PDS5B: variants seen among roughly 807,000 people sequenced by gnomAD.
PDS5B encodes PDS5 cohesin associated factor B.
In PDS5B, 51 loss-of-function variants were observed where a neutral mutation model predicts 184.1. The observed-to-expected ratio is 0.28, with a 90% CI of 0.22 to 0.35. PDS5B has a LOEUF of 0.35. Ranked by LOEUF, PDS5B falls within the 10% of genes least tolerant of loss-of-function variation. The pLI is 1.00. For missense variants in PDS5B, 1,180 were observed against 1,723.3 expected, an observed-to-expected ratio of 0.68 and a Z score of 5.58; for synonymous variants, 566 against 569.2, an observed-to-expected ratio of 0.99 and a Z score of 0.08.
chr13:32,625,647 A>G (rs990332721), intron 1 of PDS5B, among the ~76,000 whole-genome samples: 3 of 152,130 alleles, frequency 2.0e-5, no homozygotes, highest in African/African-American at 7.2e-5. Flanking sequence ...TTCTTAGGCT[A>G]GAGTTTGTAA....
chr13:32,758,872 G>A (rs967098041), intron 28 of PDS5B, among the ~76,000 whole-genome samples: 3 of 152,240 alleles, frequency 2.0e-5, no homozygotes, highest in Middle Eastern at 6.8e-3. Context: ...GTCTTAGAGC[G>A]CAGGTAGAAA....
intron 1 of PDS5B, among the ~76,000 whole-genome samples, chr13:32,615,592 G>A (rs2058206159): frequency 6.6e-6 from 1 of 152,210 alleles, no homozygotes; most frequent in Admixed American, 6.5e-5. Context: ...TGAAGAGAAA[G>A]TCTGTACCCT....
chr13:32,693,865 T>G (rs1454353308), intron 13 of PDS5B, among the ~76,000 whole-genome samples: 5 of 151,696 alleles, frequency 3.3e-5, no homozygotes, highest in Non-Finnish European at 7.4e-5. Flanking sequence ...AAGATTTGTC[T>G]TAAGAAAAAG....
chr13:32,685,272 G>A (rs35247299), intron 11 of PDS5B, among the ~76,000 whole-genome samples: 2,344 of 152,304 alleles, frequency 0.015, 22 homozygotes, highest in Non-Finnish European at 0.022. Flanking sequence ...GATAAATTTA[G>A]ACTAATCTTT....
intron 1 of PDS5B, among the ~76,000 whole-genome samples, chr13:32,623,765 C>CT (rs1362705865): frequency 2.0e-5 from 3 of 150,048 alleles, no homozygotes; most frequent in African/African-American, 7.4e-5. Context: ...CAATCCATTT[C>CT]TTTTTTCTTT....
At chr13:32,709,328 A>G (rs1431312366) in intron 18 of PDS5B, among the ~76,000 whole-genome samples, 2 of 151,958 alleles carry the variant, frequency 1.3e-5, no homozygotes, top group East Asian at 3.8e-4. Context: ...AAGGGGTCTA[A>G]TTTGATTTTC....
At chr13:32,623,151 G>A (rs1000666652) in intron 1 of PDS5B, among the ~76,000 whole-genome samples, 1 of 152,132 alleles carries the variant, frequency 6.6e-6, no homozygotes, top group African/African-American at 2.4e-5. Context: ...CTTGGTATGG[G>A]TCACCAGCCC....
chr13:32,688,510 T>C lies in PDS5B; in HGVS notation c.1410T>C (p.Thr470=), dbSNP rs767213787. The change falls in exon 13 of 35, where the codon ACT becomes ACC. Residue 470 remains threonine, a synonymous_variant. Coordinates refer to ENST00000315596, the MANE Select transcript of PDS5B (RefSeq NM_015032.4). ...AQYMVPHNLE[T]TERMKCLYYL... is the part of the protein sequence containing the mutation. ...ACATGGTTCCTCACAATTTAGAAACTACAGAACGGATGAAATGCTTATATT... is the reference window on the plus strand; with the variant it reads ...ACATGGTTCCTCACAATTTAGAAACCACAGAACGGATGAAATGCTTATATT... The C allele has an allele frequency of 1.2e-6, 2 of 1,610,794 alleles. No individual in the cohort carries two copies. The highest frequency in any genetic ancestry group is 1.7e-5 in the Admixed American group (1 of 59,954).
At chr13:32,647,693 T>A (rs765154240) in intron 1 of PDS5B, among the ~76,000 whole-genome samples, 6 of 152,352 alleles carry the variant, frequency 3.9e-5, no homozygotes, top group Non-Finnish European at 8.8e-5. Flanking sequence ...TAGTTTAGTC[T>A]TTATAATTTT....
At chr13:32,645,284 C>CT (rs1050964367) in intron 1 of PDS5B, among the ~76,000 whole-genome samples, 12 of 152,122 alleles carry the variant, frequency 7.9e-5, no homozygotes, top group Non-Finnish European at 1.6e-4. Context: ...TGCCTGGCCT[C>CT]TGATAGTTCT....
At chr13:32,617,962 C>T (rs1444573329) in intron 1 of PDS5B, among the ~76,000 whole-genome samples, 2 of 152,126 alleles carry the variant, frequency 1.3e-5, no homozygotes, top group Non-Finnish European at 2.9e-5. Flanking sequence ...GCTGGGAAGT[C>T]CAAGATGAAG....
chr13:32,603,032 C>T (rs1400619641), intron 1 of PDS5B, among the ~76,000 whole-genome samples: 2 of 152,194 alleles, frequency 1.3e-5, no homozygotes, highest in African/African-American at 2.4e-5. Context: ...AACTTTCTCC[C>T]ATTCTGTAGG....
At chr13:32,716,289 T>C (rs183077165) in intron 19 of PDS5B, among the ~76,000 whole-genome samples, 6,083 of 150,544 alleles carry the variant, frequency 0.04, 169 homozygotes, top group Middle Eastern at 0.093. Flanking sequence ...TCCTCTGAGA[T>C]GTGGGGAGCG....
intron 19 of PDS5B, among the ~76,000 whole-genome samples, chr13:32,729,936 C>T (rs1218789384): frequency 6.6e-6 from 1 of 152,154 alleles, no homozygotes; most frequent in Non-Finnish European, 1.5e-5. Flanking sequence ...TCTGCAGAAG[C>T]TCTTTAGTTT....
chr13:32,595,058 T>C (rs1186024876), intron 1 of PDS5B, among the ~76,000 whole-genome samples: 1 of 152,214 alleles, frequency 6.6e-6, no homozygotes, highest in East Asian at 1.9e-4. Context: ...CTTTTTCTAG[T>C]GCACTGTTGG....
At chr13:32,610,111 A>G (rs2058118883) in intron 1 of PDS5B, among the ~76,000 whole-genome samples, 1 of 152,202 alleles carries the variant, frequency 6.6e-6, no homozygotes, top group South Asian at 2.1e-4. Context: ...GTATATGGGC[A>G]TAGATGCATA....
At chr13:32,713,894 G>A (rs1032020886) in intron 19 of PDS5B, among the ~76,000 whole-genome samples, 8 of 152,076 alleles carry the variant, frequency 5.3e-5, no homozygotes, top group East Asian at 1.9e-4. Flanking sequence ...TAGTTATATC[G>A]GGGAACCTGC....
chr13:32,595,026 A>G (rs1173194617), intron 1 of PDS5B, among the ~76,000 whole-genome samples: 1 of 152,146 alleles, frequency 6.6e-6, no homozygotes, highest in Non-Finnish European at 1.5e-5. Context: ...TCCCCTGACC[A>G]TTCTCCTGAA....
chr13:32,696,518 T>C (rs56660604), intron 14 of PDS5B, among the ~76,000 whole-genome samples: 1,802 of 151,848 alleles, frequency 0.012, 44 homozygotes, highest in African/African-American at 0.042. Context: ...GGTCTAAACA[T>C]TGTAGGAGTT....
Sources: allele counts gnomAD v4.1 joint callset (sites outside exome capture counted in the v4.1 genomes callset), GRCh38; gene constraint gnomAD v4.1.1; transcripts MANE v1.5; gene names NCBI Gene and HGNC (gene_info 2026-07-23, HGNC 2026-07-21).